The following PTPRD variants were observed in gnomAD, a reference collection of about 807,000 sequenced individuals.
PTPRD encodes protein tyrosine phosphatase receptor type D, also known as receptor-type tyrosine-protein phosphatase delta.
In PTPRD, 34 loss-of-function variants were observed where a neutral mutation model predicts 214.5. That is an observed-to-expected ratio of 0.16 (90% CI 0.12 to 0.21). The LOEUF (loss-of-function observed/expected upper bound fraction) is 0.21, where lower values mean the gene tolerates loss of function less well. PTPRD is among the 10% of genes least tolerant of loss of function. The probability of loss-of-function intolerance (pLI) is 1.00; values close to 1 mark genes in which losing one functional copy is unlikely to be tolerated. For missense variants in PTPRD, 2,545 were observed against 2,398.7 expected, an observed-to-expected ratio of 1.06 and a Z score of -1.27; for synonymous variants, 1,128 against 845.7, an observed-to-expected ratio of 1.33 and a Z score of -5.79.
At chr9:9,102,677 A>G (rs7020063) in intron 10 of PTPRD, among the ~76,000 whole-genome samples, 14,520 of 152,312 alleles carry the variant, frequency 0.095, 831 homozygotes, top group East Asian at 0.16. Flanking sequence ...TTTCTTAAAT[A>G]TACAGACTAC....
At chr9:9,761,934 G>C (rs1043815776) in intron 6 of PTPRD, among the ~76,000 whole-genome samples, 2 of 152,012 alleles carry the variant, frequency 1.3e-5, no homozygotes, top group East Asian at 1.9e-4. Context: ...TGGGATATTG[G>C]TCTGCTTGGG....
intron 4 of PTPRD, among the ~76,000 whole-genome samples, chr9:9,998,414 C>T (rs1314230980): frequency 1.3e-5 from 2 of 151,896 alleles, no homozygotes; most frequent in Admixed American, 1.3e-4. Flanking sequence ...TACAGCCAGT[C>T]TCTCTTTTCT....
chr9:9,388,727 T>C (rs1273264190), intron 9 of PTPRD, among the ~76,000 whole-genome samples: 1 of 152,160 alleles, frequency 6.6e-6, no homozygotes, highest in Admixed American at 6.5e-5. Context: ...TTTATTCCAG[T>C]AATTATAGGT....
chr9:9,008,604 T>A (rs546522204), intron 11 of PTPRD, among the ~76,000 whole-genome samples: 1 of 152,104 alleles, frequency 6.6e-6, no homozygotes, highest in Non-Finnish European at 1.5e-5. Flanking sequence ...GGAGTTAACT[T>A]TGTACCTATT....
At chr9:10,023,498 A>C (rs1378023738) in intron 4 of PTPRD, among the ~76,000 whole-genome samples, 1 of 152,198 alleles carries the variant, frequency 6.6e-6, no homozygotes, top group African/African-American at 2.4e-5. Flanking sequence ...ATATAAAGTT[A>C]ACTTCTGTGT....
intron 11 of PTPRD, among the ~76,000 whole-genome samples, chr9:8,864,089 C>G (rs1276542058): frequency 6.6e-6 from 1 of 152,118 alleles, no homozygotes; most frequent in East Asian, 1.9e-4. Context: ...ATGGGAAACA[C>G]AATGGAAATG....
At chr9:9,132,191 G>T (rs2099843874) in intron 10 of PTPRD, among the ~76,000 whole-genome samples, 1 of 151,934 alleles carries the variant, frequency 6.6e-6, no homozygotes, top group Non-Finnish European at 1.5e-5. Flanking sequence ...GTATTTTTTT[G>T]GTAGAGAGGG....
At chr9:8,895,738 TGA>T (rs2098604115) in intron 11 of PTPRD, among the ~76,000 whole-genome samples, 1 of 152,182 alleles carries the variant, frequency 6.6e-6, no homozygotes, top group Non-Finnish European at 1.5e-5. Flanking sequence ...TGCTGAAATG[TGA>T]GACACTCCTC....
chr9:9,080,597 T>C (rs1239078650), intron 10 of PTPRD, among the ~76,000 whole-genome samples: 1 of 152,070 alleles, frequency 6.6e-6, no homozygotes, highest in Non-Finnish European at 1.5e-5. Flanking sequence ...ATGTGACTCC[T>C]GCAGTCTGAC....
chr9:8,984,023 T>C (rs1027706280), intron 11 of PTPRD, among the ~76,000 whole-genome samples: 1 of 152,140 alleles, frequency 6.6e-6, no homozygotes, highest in Non-Finnish European at 1.5e-5. Flanking sequence ...ATAGTGGCAA[T>C]TTCTATACTA....
At chr9:10,554,206 A>G (rs1404472185) in intron 2 of PTPRD, among the ~76,000 whole-genome samples, 3 of 152,148 alleles carry the variant, frequency 2.0e-5, no homozygotes, top group Non-Finnish European at 4.4e-5. Flanking sequence ...TTAAATGGAA[A>G]TATGTTTCCT....
At chr9:10,501,764 C>T (rs1043691510) in intron 2 of PTPRD, among the ~76,000 whole-genome samples, 3 of 152,052 alleles carry the variant, frequency 2.0e-5, no homozygotes, top group African/African-American at 7.2e-5. Flanking sequence ...TATTAATCGT[C>T]TCTCAGATTC....
At chr9:9,515,732 T>C (rs186454251) in intron 8 of PTPRD, among the ~76,000 whole-genome samples, 294 of 152,100 alleles carry the variant, frequency 1.9e-3, no homozygotes, top group Admixed American at 4.0e-3. Context: ...AAATATTTAA[T>C]AAAGACTGCT....
intron 11 of PTPRD, among the ~76,000 whole-genome samples, chr9:8,772,075 T>A (rs1018915283): frequency 2.6e-5 from 4 of 152,062 alleles, no homozygotes; most frequent in Admixed American, 2.6e-4. Flanking sequence ...TCCATAAATA[T>A]ATACACCTAC....
At chr9:9,601,329 T>G (rs942609114) in intron 7 of PTPRD, among the ~76,000 whole-genome samples, 6 of 152,036 alleles carry the variant, frequency 3.9e-5, no homozygotes, top group Non-Finnish European at 8.8e-5. Context: ...ACACTGATAG[T>G]TGCTAATTTT....
In PTPRD at chr9:9,352,309, C is replaced by T. The variant is rs528000056; in HGVS notation, c.-203+45140G>A. Among the ~76,000 whole-genome samples the T allele has an allele frequency of 4.2e-5, 5 of 118,234 alleles. No homozygotes were observed. In the South Asian group the frequency reaches 1.4e-3, roughly 33 times the overall value. The allele number at this position is 118,234 out of a possible 152,430, so 77.6% of individuals were successfully genotyped here. On this transcript the variant is annotated intron_variant, in intron 9 of 45. Coordinates refer to ENST00000381196, the MANE Select transcript of PTPRD (RefSeq NM_002839.4). ...AAACACAAACAATACTGCCAAAAAA[C>T]CATATATATATATATATATGTGTGT...
intron 10 of PTPRD, among the ~76,000 whole-genome samples, chr9:9,073,104 G>A (rs897381712): frequency 1.3e-5 from 2 of 152,180 alleles, no homozygotes; most frequent in African/African-American, 2.4e-5. Context: ...AAAGAAAGAC[G>A]AGAGAATGTT....
chr9:10,561,633 T>A (rs2063991988), intron 2 of PTPRD, among the ~76,000 whole-genome samples: 1 of 152,162 alleles, frequency 6.6e-6, no homozygotes, highest in Non-Finnish European at 1.5e-5. Flanking sequence ...GTGATTCAGT[T>A]CAAAGTGCAA....
chr9:9,523,999 C>T (rs2097058834), intron 8 of PTPRD, among the ~76,000 whole-genome samples: 1 of 152,154 alleles, frequency 6.6e-6, no homozygotes, highest in Non-Finnish European at 1.5e-5. Context: ...AGCCATCAAT[C>T]ATTCATGGAT....
Sources: gnomAD v4.1 joint callset for allele counts (sites outside exome capture counted in the v4.1 genomes callset) on GRCh38, gnomAD v4.1.1 for gene constraint, MANE v1.5 for transcripts, NCBI Gene and HGNC (gene_info 2026-07-23, HGNC 2026-07-21) for gene names.